The following PCDHGA10 variants were observed in gnomAD, a reference collection of about 807,000 sequenced individuals.
PCDHGA10 encodes the protein protocadherin gamma subfamily A, 10, also known as protocadherin gamma-A10.
Under a neutral mutation model 59.5 loss-of-function variants are expected in PCDHGA10, and 42 were observed. The ratio of observed to expected loss-of-function variants is 0.71; its 90% CI spans 0.55 to 0.91. The LOEUF (loss-of-function observed/expected upper bound fraction) is 0.91, where lower values mean the gene tolerates loss of function less well. Ranked by LOEUF, PCDHGA10 falls within the 40% of genes least tolerant of loss-of-function variation. PCDHGA10 has a pLI of 0.00. For missense variants in PCDHGA10, 1,111 were observed against 1,198.2 expected (o/e 0.93, Z 1.07); for synonymous variants, 511 against 517.2 (o/e 0.99, Z 0.16).
chr5:141,423,170 A>T (rs755141371), intron 1 of PCDHGA10: 1 of 1,613,504 alleles, frequency 6.2e-7, no homozygotes, highest in South Asian at 1.1e-5. Flanking sequence ...GTGGCCGTCC[A>T]GGACCACGGC....
intron 1 of PCDHGA10, among the ~76,000 whole-genome samples, chr5:141,461,054 T>C (rs984461416): frequency 6.6e-6 from 1 of 151,758 alleles, no homozygotes; most frequent in African/African-American, 2.4e-5. Context: ...GGGACTTAGG[T>C]TGGTTTCACA....
intron 1 of PCDHGA10, among the ~76,000 whole-genome samples, chr5:141,467,814 A>G (rs2099152300): frequency 6.6e-6 from 1 of 151,978 alleles, no homozygotes; most frequent in Non-Finnish European, 1.5e-5. Flanking sequence ...ACATGCCACC[A>G]CACCAGGCTG....
At chr5:141,483,222 C>A (rs1011389295) in intron 1 of PCDHGA10, among the ~76,000 whole-genome samples, 4 of 152,078 alleles carry the variant, frequency 2.6e-5, no homozygotes, top group African/African-American at 9.7e-5. Context: ...ACAGTCACTG[C>A]AGAAATTTGA....
chr5:141,422,780 T>C, intron 1 of PCDHGA10: 2 of 1,614,140 alleles, frequency 1.2e-6, no homozygotes, highest in Non-Finnish European at 1.7e-6. Context: ...CTCTATGCCC[T>C]ACAATCCTTC....
intron 1 of PCDHGA10, chr5:141,426,967 T>G (rs151241654): frequency 2.2e-6 from 1 of 456,702 alleles, no homozygotes; most frequent in East Asian, 6.9e-5. Context: ...GCAATTCAAA[T>G]TGAGGTCACT....
intron 1 of PCDHGA10, among the ~76,000 whole-genome samples, chr5:141,439,599 G>A (rs1319524199): frequency 6.6e-6 from 1 of 152,146 alleles, no homozygotes; most frequent in Non-Finnish European, 1.5e-5. Flanking sequence ...TGGCCAGTCT[G>A]GAAACAGAGA....
intron 3 of PCDHGA10, among the ~76,000 whole-genome samples, chr5:141,506,202 G>A (rs911181875): frequency 6.6e-6 from 1 of 152,184 alleles, no homozygotes; most frequent in Non-Finnish European, 1.5e-5. Context: ...TGTAATCCCA[G>A]CACTTTGGGA....
At chr5:141,449,521 G>A (rs1238503983) in intron 1 of PCDHGA10, among the ~76,000 whole-genome samples, 4 of 150,262 alleles carry the variant, frequency 2.7e-5, no homozygotes, top group African/African-American at 9.8e-5. Flanking sequence ...CCTGGGAGGC[G>A]GAGGTTGCAG....
chr5:141,422,959 C>T, intron 1 of PCDHGA10: 5 of 1,614,234 alleles, frequency 3.1e-6, no homozygotes, highest in African/African-American at 1.3e-5. Flanking sequence ...TGGCGTGGAG[C>T]TGGCGCCCCG....
rs978480877 is a variant in PCDHGA10, at chr5:141,417,841, G to A, written c.2436+2230G>A. ...CTCCAACTGGAAAAGCGGGGACCCAGCGAGAACCCGAGCGAACGATGGGAG... is the reference window on the plus strand; with the variant it reads ...CTCCAACTGGAAAAGCGGGGACCCAACGAGAACCCGAGCGAACGATGGGAG... On this transcript the variant is annotated intron_variant, in intron 1 of 3. Coordinates refer to ENST00000398610, the MANE Select transcript of PCDHGA10 (RefSeq NM_018913.3). 1.4e-5 allele frequency: 21 copies of A among 1,537,848 alleles called. No homozygotes were observed. In the African/African-American group the frequency reaches 2.6e-4, roughly 19 times the overall value.
At chr5:141,475,553 TTGTC>T (rs2099365287) in intron 1 of PCDHGA10, among the ~76,000 whole-genome samples, 2 of 152,260 alleles carry the variant, frequency 1.3e-5, no homozygotes, top group Non-Finnish European at 2.9e-5. Context: ...GTCCGGCTAA[TTGTC>T]TGTCTTCCAA....
chr5:141,493,784 T>A lies in PCDHGA10; in HGVS notation c.2437-1023T>A, dbSNP rs1368708028. ...AGCCACTGGCAGTTCCGGAGCTTCC[T>A]TCTCCCTGGAGTAATCTGAGATACT... On this transcript the variant is annotated intron_variant, in intron 1 of 3. Coordinates refer to ENST00000398610, the MANE Select transcript of PCDHGA10 (RefSeq NM_018913.3). This position sits in a 1 kb window ranked among gnomAD's most constrained non-coding sequence, Gnocchi z 4.3. 1.3e-5 allele frequency among the ~76,000 whole-genome samples: 2 copies of A among 152,194 alleles called. No individual in the cohort carries two copies. Among genetic ancestry groups the A allele is most frequent in the Non-Finnish European group, 2.9e-5 (2 of 68,032 alleles).
At chr5:141,505,592 A>G in intron 3 of PCDHGA10, 111 bp downstream of exon 3, 1 of 1,567,266 alleles carries the variant, frequency 6.4e-7, no homozygotes. Context: ...GTTTCTCCAG[A>G]TCTTTCGGCA....
chr5:141,503,307 G>T (rs1042228003), intron 2 of PCDHGA10, among the ~76,000 whole-genome samples: 5 of 152,096 alleles, frequency 3.3e-5, no homozygotes, highest in African/African-American at 1.2e-4. Context: ...GCTCAAGAAA[G>T]AATTGTTGGA....
chr5:141,422,508 C>T (rs2096653251), intron 1 of PCDHGA10: 1 of 1,613,984 alleles, frequency 6.2e-7, no homozygotes, highest in Non-Finnish European at 8.5e-7. Flanking sequence ...CAGCCACAGA[C>T]CAGGGAAGCC....
intron 1 of PCDHGA10, among the ~76,000 whole-genome samples, chr5:141,459,724 T>C (rs1440632046): frequency 6.6e-6 from 1 of 152,250 alleles, no homozygotes; most frequent in Non-Finnish European, 1.5e-5. Context: ...TGCTTCCTAT[T>C]GTCAATTTTT....
chr5:141,413,669 A>C lies in PCDHGA10; in HGVS notation c.494A>C (p.Asp165Ala). 1 of 1,613,844 alleles carries C rather than the reference A, an allele frequency of 6.2e-7. No homozygotes were observed. The highest frequency in any genetic ancestry group is 1.1e-5 in the South Asian group (1 of 91,086). Residue 165 changes from aspartate (D) to alanine (A), a missense_variant, in exon 1 of 4, where the codon GAT becomes GCT. By Grantham distance (126) the Asp-to-Ala change is moderately radical. Transcript: ENST00000398610. ...RFPLPEAIDPDVGVNSLQSYQ... is the reference protein window; with the variant it reads ...RFPLPEAIDPAVGVNSLQSYQ... ...CCTCTCCCGGAAGCTATTGATCCGG[A>C]TGTGGGCGTGAACTCCCTGCAGAGC...
At chr5:141,421,120 G>T (rs747126094) in intron 1 of PCDHGA10, 4 of 779,870 alleles carry the variant, frequency 5.1e-6, no homozygotes, top group Non-Finnish European at 7.9e-6. Flanking sequence ...ATTTTCCTTC[G>T]CTTTCTGATA....
chr5:141,421,527 GTCC>G (rs2096581302), intron 1 of PCDHGA10: 1 of 1,614,050 alleles, frequency 6.2e-7, no homozygotes, highest in African/African-American at 1.3e-5. Flanking sequence ...GTGAGACGGT[GTCC>G]TCCTGTTTTT....
Sources: allele counts gnomAD v4.1 joint callset (sites outside exome capture counted in the v4.1 genomes callset), GRCh38; gene constraint gnomAD v4.1.1; non-coding constraint Gnocchi (gnomAD v3.1); transcripts MANE v1.5; gene names NCBI Gene and HGNC (gene_info 2026-07-23, HGNC 2026-07-21).